KIAA1549: variants seen among roughly 807,000 people sequenced by gnomAD.
The protein encoded by KIAA1549 is UPF0606 protein KIAA1549.
In KIAA1549, 70 loss-of-function variants were observed where a neutral mutation model predicts 156.4. That is an observed-to-expected ratio of 0.45 (90% CI 0.37 to 0.55). KIAA1549 has a LOEUF of 0.55. Among genes scored for constraint, KIAA1549 ranks in the 20% least tolerant of loss-of-function variants. The probability of loss-of-function intolerance (pLI) is 0.00; values close to 1 mark genes in which losing one functional copy is unlikely to be tolerated. For synonymous variants in KIAA1549, 1,103 were observed against 1,066.4 expected, an observed-to-expected ratio of 1.03 and a Z score of -0.67; for missense variants, 2,428 against 2,540.9, an observed-to-expected ratio of 0.96 and a Z score of 0.96.
chr7:138,934,135 G>C (rs1812944171), intron 1 of KIAA1549, among the ~76,000 whole-genome samples: 1 of 152,130 alleles, frequency 6.6e-6, no homozygotes, highest in Non-Finnish European at 1.5e-5. Context: ...AAAAGGGCGA[G>C]AGCACTGCTG....
intron 17 of KIAA1549, among the ~76,000 whole-genome samples, chr7:138,851,557 T>C (rs1380301645): frequency 2.2e-5 from 3 of 137,614 alleles, no homozygotes; most frequent in Non-Finnish European, 4.7e-5. Context: ...CTCATATGCC[T>C]GGGGGTGGGT....
Position 138,917,672 on chromosome 7 carries a change from G to A in KIAA1549, c.1954C>T (p.Pro652Ser), listed in dbSNP as rs746764082. Residue 652 changes from proline (P) to serine (S), a missense_variant, in exon 2 of 20, where the codon CCG becomes TCG. Physicochemically the swap from Pro to Ser is moderately conservative, Grantham distance 74. Transcript: ENST00000422774. ...SEAPASLSLM[P>S]SDLSPFTSQS... ...GATGTGAAGGGGGACAAGTCACTCG[G>A]CATCAGAGACAGAGACGCAGGTGCT... 1 of 1,611,292 alleles carries A rather than the reference G, an allele frequency of 6.2e-7. No individual in the cohort carries two copies. The highest frequency in any genetic ancestry group is 8.5e-7 in the Non-Finnish European group (1 of 1,178,552).
At chr7:138,909,497 CA>C (rs754043452) in intron 4 of KIAA1549, among the ~76,000 whole-genome samples, 1 of 152,024 alleles carries the variant, frequency 6.6e-6, no homozygotes, top group Non-Finnish European at 1.5e-5. Flanking sequence ...CTCTAGTGTC[CA>C]CAAAAACGTT....
At chr7:138,893,839 G>C (rs184986855) in intron 10 of KIAA1549, among the ~76,000 whole-genome samples, 1 of 152,256 alleles carries the variant, frequency 6.6e-6, no homozygotes, top group African/African-American at 2.4e-5. Flanking sequence ...GGGAGGCCAA[G>C]GCAGGCAGAT....
At chr7:138,969,363 C>T (rs370687498) in intron 1 of KIAA1549, among the ~76,000 whole-genome samples, 4 of 152,332 alleles carry the variant, frequency 2.6e-5, no homozygotes, top group African/African-American at 9.6e-5. Flanking sequence ...AGGGACCTCA[C>T]GTAAGTGGAA....
chr7:138,916,636 G>A (rs1486944644), intron 2 of KIAA1549, 112 bp downstream of exon 2: 5 of 1,492,264 alleles, frequency 3.4e-6, no homozygotes, highest in African/African-American at 1.4e-5. Flanking sequence ...GGAGTTAACT[G>A]AGCCCAGCGC....
At chr7:138,897,943 G>T (rs974281885) in intron 9 of KIAA1549, among the ~76,000 whole-genome samples, 1 of 131,274 alleles carries the variant, frequency 7.6e-6, no homozygotes, top group African/African-American at 2.9e-5. Flanking sequence ...GATTCACACC[G>T]TAAAGGACTA....
intron 16 of KIAA1549, among the ~76,000 whole-genome samples, chr7:138,859,934 G>T (rs2130363949): frequency 6.6e-6 from 1 of 152,324 alleles, no homozygotes; most frequent in South Asian, 2.1e-4. Context: ...GACTTCCACA[G>T]AGATGCTATT....
intron 16 of KIAA1549, 27 bp downstream of exon 16, chr7:138,861,112 A>C: frequency 3.1e-6 from 5 of 1,607,808 alleles, no homozygotes; most frequent in Non-Finnish European, 4.3e-6. Context: ...CTTGCCCATC[A>C]GAGAATTCTA....
At chr7:138,879,856 C>T (rs958812930) in intron 11 of KIAA1549, among the ~76,000 whole-genome samples, 1 of 152,202 alleles carries the variant, frequency 6.6e-6, no homozygotes, top group Non-Finnish European at 1.5e-5. Context: ...ACACGGCTTA[C>T]TAAATGGCTC....
At chr7:138,907,213 T>G (rs548505012) in intron 5 of KIAA1549, 111 bp from the exon 6 acceptor site, 1 of 862,500 alleles carries the variant, frequency 1.2e-6, no homozygotes, top group African/African-American at 1.7e-5. Flanking sequence ...GGAGGTAAAG[T>G]TTTTAAAGGA....
rs922420152 is a variant in KIAA1549 at position 138,831,437 on chromosome 7, G to A, written c.*6469C>T. ...TTCCATTTAAAATGCTAGGAAAGCT[G>A]TATAAATTGTAAACATGGAAACCAA... is the stretch of plus-strand genomic sequence containing the variant. On this transcript the variant is annotated 3_prime_UTR_variant, in exon 20 of 20. Coordinates refer to ENST00000422774, the MANE Select transcript of KIAA1549 (RefSeq NM_001164665.2). The A allele has an allele frequency of 9.8e-6, 2 of 204,236 alleles. No individual in the cohort carries two copies. Among genetic ancestry groups the A allele is most frequent in the Non-Finnish European group, 2.0e-5 (2 of 99,784 alleles). The allele number at this position is 204,236 out of a possible 1,614,324, so 12.7% of individuals were successfully genotyped here. A position where few individuals can be genotyped will look rare whatever the true frequency, so the allele number is the denominator to read the frequency against.
At position 138,917,721 on chromosome 7, in the gene KIAA1549, G is replaced by A. The variant is rs780011710; in HGVS notation, c.1905C>T (p.Ser635=). The change falls in exon 2 of 20, where the codon AGC becomes AGT. Residue 635 remains serine, a synonymous_variant. Coordinates refer to ENST00000422774, the MANE Select transcript of KIAA1549 (RefSeq NM_001164665.2). ...SFFSTPPLEL[S]GSISSPSEAP... is the part of the protein sequence containing the mutation. ...CTTCCGAAGGCGAAGAGATGGAGCC[G>A]CTGAGTTCCAGCGGGGGTGTTGAGA... 22 of 1,596,538 alleles carry A rather than the reference G, an allele frequency of 1.4e-5. No individual in the cohort carries two copies. The highest frequency in any genetic ancestry group is 1.6e-4 in the Middle Eastern group (1 of 6,068).
chr7:138,927,594 T>C (rs188510662), intron 1 of KIAA1549, among the ~76,000 whole-genome samples: 47 of 152,346 alleles, frequency 3.1e-4, no homozygotes, highest in African/African-American at 1.1e-3. Flanking sequence ...GCCGAAACTG[T>C]GCCACTGCAC....
intron 8 of KIAA1549, among the ~76,000 whole-genome samples, chr7:138,901,883 G>A (rs1224992463): frequency 1.3e-5 from 2 of 152,158 alleles, no homozygotes. Flanking sequence ...CAATCTATCA[G>A]ATGGCACATT....
chr7:138,907,059 C>T lies in KIAA1549; in HGVS notation c.3320G>A (p.Arg1107Gln), dbSNP rs769622475. 1.1e-5 allele frequency: 18 copies of T among 1,611,712 alleles called. No individual in the cohort carries two copies. Among genetic ancestry groups the T allele is most frequent in the African/African-American group, 6.7e-5 (5 of 74,758 alleles). Residue 1107 changes from arginine to glutamine, a missense_variant, in exon 6 of 20, where the codon CGG becomes CAG. Arg to Gln is a conservative substitution (Grantham distance 43). Around this residue, in one of 5 missense-constraint regions of KIAA1549, gnomAD observed 762 missense variants for 901.6 expected, o/e 0.85. Transcript: ENST00000422774. ...TISSSRVTPRRGPVNIIFAVK... is the reference protein window; with the variant it reads ...TISSSRVTPRQGPVNIIFAVK... ...CGCAAAGATGATATTCACCGGGCCC[C>T]GCCGAGGAGTCACCCTTGAGGAACT...
At position 138,981,283 on chromosome 7, in the gene KIAA1549, C is replaced by CCCTGTCCTCGGTT; in HGVS notation, c.-15_-14insAACCGAGGACAGG. 1.0e-6 allele frequency: 1 copy of CCCTGTCCTCGGTT among 967,336 alleles called. No homozygotes were observed. The highest frequency in any genetic ancestry group is 1.2e-6 in the Non-Finnish European group (1 of 816,298). The allele number at this position is 967,336 out of a possible 1,614,324, so 59.9% of individuals were successfully genotyped here. The stretch of plus-strand genomic sequence containing the variant: ...CGCCCCCGGCATTCCCGGCCGGCGC[C>CCCTGTCCTCGGTT]CCGGCCCGGCCTCGCGGCTCAGCGG... On this transcript the variant is annotated 5_prime_UTR_variant, in exon 1 of 20. Coordinates refer to ENST00000422774, the MANE Select transcript of KIAA1549 (RefSeq NM_001164665.2). This position sits in a 1 kb window ranked among gnomAD's most constrained non-coding sequence, Gnocchi z 4.5.
intron 1 of KIAA1549, among the ~76,000 whole-genome samples, chr7:138,936,725 A>ACCCCCCCCC (rs139640080): frequency 2.2e-5 from 3 of 135,866 alleles, no homozygotes; most frequent in Non-Finnish European, 3.2e-5. Flanking sequence ...GAGATGTGTG[A>ACCCCCCCCC]CCCCCCCCAC....
rs73168942 is a variant in KIAA1549 at position 138,898,602 on chromosome 7, G to A, written c.3847+353C>T. ...CCGCCAATGTTCAAAATATGACACA[G>A]AAGATTTTGGAATAAATACAGAGCA... On this transcript the variant is annotated intron_variant, in intron 9 of 19. Transcript: ENST00000422774. Among the ~76,000 whole-genome samples the A allele has an allele frequency of 4.3e-3, 652 of 152,246 alleles. 3 individuals carry two copies. The highest frequency in any genetic ancestry group is 6.9e-3 in the Non-Finnish European group (466 of 68,000).
Sources: gnomAD v4.1 joint callset for allele counts (sites outside exome capture counted in the v4.1 genomes callset) on GRCh38, gnomAD v4.1.1 for gene constraint, gnomAD v4.1.1 regional missense constraint, Gnocchi (gnomAD v3.1) non-coding constraint, MANE v1.5 for transcripts, NCBI Gene and HGNC (gene_info 2026-07-23, HGNC 2026-07-21) for gene names.